CASS4: variants seen among roughly 807,000 people sequenced by gnomAD.
CASS4 encodes the protein cas scaffolding protein family member 4.
In CASS4, 22 loss-of-function variants were observed where a neutral mutation model predicts 54.2. That is an observed-to-expected ratio of 0.41 (90% confidence interval 0.29 to 0.58). The LOEUF (loss-of-function observed/expected upper bound fraction) is 0.58, where lower values mean the gene tolerates loss of function less well. Ranked by LOEUF, CASS4 falls within the 20% of genes least tolerant of loss-of-function variation. The pLI, the probability that CASS4 is intolerant of heterozygous loss-of-function variation, is 0.36. For missense variants in CASS4, 854 were observed against 986.7 expected (o/e 0.87, Z 1.80); for synonymous variants, 409 against 391.5 (o/e 1.04, Z -0.53).
At chr20:56,426,212 G>T (rs556593143) in intron 1 of CASS4, among the ~76,000 whole-genome samples, 1 of 152,198 alleles carries the variant, frequency 6.6e-6, no homozygotes, top group Admixed American at 6.5e-5. Context: ...GCCCTTGATC[G>T]CTGAACTACC....
At chr20:56,445,641 AC>A (rs1286433487) in intron 2 of CASS4, among the ~76,000 whole-genome samples, 1 of 152,040 alleles carries the variant, frequency 6.6e-6, no homozygotes, top group Non-Finnish European at 1.5e-5. Context: ...CTTCATGTTA[AC>A]CTGCTTCAGG....
intron 2 of CASS4, among the ~76,000 whole-genome samples, chr20:56,438,288 CA>C (rs11475169): frequency 0.99 from 143,465 of 144,592 alleles, 71,170 homozygotes; most frequent in South Asian, 1. Context: ...AACCTGTTTT[CA>C]AAAAAAAAAA....
intron 1 of CASS4, among the ~76,000 whole-genome samples, chr20:56,431,688 T>C (rs1569143409): frequency 6.6e-6 from 1 of 152,234 alleles, no homozygotes; most frequent in Non-Finnish European, 1.5e-5. Context: ...ACTTTTACAA[T>C]AGGCAAATCC....
At position 56,458,480 on chromosome 20, in the gene CASS4, G is replaced by A. The variant is rs1600781804; in HGVS notation, c.2094G>A (p.Gln698=). The change falls in exon 6 of 6, where the codon CAG becomes CAA. Residue 698 remains glutamine, a synonymous_variant. Coordinates refer to ENST00000679887, the MANE Select transcript of CASS4 (RefSeq NM_020356.4). ...TTCACGGCAGCCTCAGCAGCAGCCA[G>A]CCCGCGGAGATCATCACTCAGAGCA... ...SAFHGSLSSS[Q]PAEIITQSKL... The A allele has an allele frequency of 3.1e-6, 5 of 1,614,080 alleles. No homozygotes were observed. Among genetic ancestry groups the A allele is most frequent in the African/African-American group, 1.3e-5 (1 of 74,928 alleles).
At chr20:56,436,820 G>A (rs971209687) in intron 1 of CASS4, among the ~76,000 whole-genome samples, 9 of 152,094 alleles carry the variant, frequency 5.9e-5, no homozygotes, top group Non-Finnish European at 1.2e-4. Flanking sequence ...CCGGGAGGTC[G>A]AGGCTGCAGT....
chr20:56,423,082 C>T (rs1012517804), intron 1 of CASS4, among the ~76,000 whole-genome samples: 1 of 152,224 alleles, frequency 6.6e-6, no homozygotes, highest in African/African-American at 2.4e-5. Flanking sequence ...GACCCACTGG[C>T]CAGATCCACA....
chr20:56,447,246 GA>G, intron 3 of CASS4, among the ~76,000 whole-genome samples: 1 of 150,798 alleles, frequency 6.6e-6, no homozygotes, highest in African/African-American at 2.4e-5. Context: ...AAAAAAAAAA[GA>G]AGTCACTTTA....
intron 5 of CASS4, among the ~76,000 whole-genome samples, chr20:56,455,544 A>T (rs1981250561): frequency 6.6e-6 from 1 of 152,196 alleles, no homozygotes; most frequent in South Asian, 2.1e-4. Flanking sequence ...CATATTGCTG[A>T]CAGTTATGCT....
intron 4 of CASS4, among the ~76,000 whole-genome samples, chr20:56,451,268 A>G (rs138213952): frequency 1.3e-5 from 2 of 152,262 alleles, no homozygotes; most frequent in East Asian, 3.9e-4. Context: ...AAATTATGTA[A>G]TGGCTTCTTC....
At chr20:56,425,697 C>G (rs1979606004) in intron 1 of CASS4, among the ~76,000 whole-genome samples, 1 of 152,192 alleles carries the variant, frequency 6.6e-6, no homozygotes, top group African/African-American at 2.4e-5. Flanking sequence ...TCCAATAGAA[C>G]AGAATCCTTT....
chr20:56,451,694 C>A, intron 4 of CASS4, 125 bp from the exon 5 acceptor site: 1 of 711,506 alleles, frequency 1.4e-6, no homozygotes, highest in East Asian at 2.6e-5. Flanking sequence ...CCTGAAGGAC[C>A]TTGAGTGGTA....
intron 2 of CASS4, among the ~76,000 whole-genome samples, chr20:56,439,200 G>A (rs898332548): frequency 3.3e-5 from 5 of 151,852 alleles, no homozygotes; most frequent in South Asian, 2.1e-4. Flanking sequence ...ACTGGGTCTC[G>A]CTCTGTCTCC....
At chr20:56,449,833 G>C (rs1180405720) in intron 3 of CASS4, among the ~76,000 whole-genome samples, 1 of 151,976 alleles carries the variant, frequency 6.6e-6, no homozygotes, top group East Asian at 1.9e-4. Context: ...GTGGGCACTC[G>C]TTGAATATTT....
chr20:56,445,606 G>A (rs145178900), intron 2 of CASS4, among the ~76,000 whole-genome samples: 114 of 152,276 alleles, frequency 7.5e-4, no homozygotes, highest in African/African-American at 2.6e-3. Flanking sequence ...CAGAGACTCC[G>A]TCCAACTCGC....
intron 4 of CASS4, 34 bp from the exon 5 acceptor site, chr20:56,451,785 A>G (rs1207979315): frequency 1.3e-6 from 2 of 1,541,808 alleles, no homozygotes; most frequent in South Asian, 1.2e-5. Context: ...TTGGAAAGCT[A>G]CTAACCCGGC....
intron 1 of CASS4, among the ~76,000 whole-genome samples, chr20:56,423,118 T>C (rs1280999145): frequency 6.6e-6 from 1 of 152,232 alleles, no homozygotes; most frequent in Admixed American, 6.5e-5. Flanking sequence ...AGAGAAAGTT[T>C]AGACCCAGAC....
intron 2 of CASS4, among the ~76,000 whole-genome samples, chr20:56,442,539 A>G (rs1201540622): frequency 6.6e-6 from 1 of 151,686 alleles, no homozygotes; most frequent in Non-Finnish European, 1.5e-5. Flanking sequence ...CCACGAAACA[A>G]CAAAACTACC....
At chr20:56,416,542 T>A (rs1401974012) in intron 1 of CASS4, among the ~76,000 whole-genome samples, 1 of 152,112 alleles carries the variant, frequency 6.6e-6, no homozygotes, top group Non-Finnish European at 1.5e-5. Flanking sequence ...TGTGTGTGTG[T>A]GTGTGTGTGT....
chr20:56,435,875 C>G (rs561067013), intron 1 of CASS4, among the ~76,000 whole-genome samples: 5 of 152,098 alleles, frequency 3.3e-5, no homozygotes, highest in Admixed American at 2.6e-4. Flanking sequence ...CTCAGTCTCC[C>G]GAGTAGCTGG....
Sources: allele counts gnomAD v4.1 joint callset (sites outside exome capture counted in the v4.1 genomes callset), GRCh38; gene constraint gnomAD v4.1.1; transcripts MANE v1.5; gene names NCBI Gene and HGNC (gene_info 2026-07-23, HGNC 2026-07-21).